The following PTPRD variants were observed in gnomAD, a reference collection of about 807,000 sequenced individuals.
PTPRD encodes receptor-type tyrosine-protein phosphatase delta.
PTPRD carries 34 observed loss-of-function variants against 214.5 expected under a neutral mutation model. The observed-to-expected ratio is 0.16, with a 90% CI of 0.12 to 0.21. The LOEUF (loss-of-function observed/expected upper bound fraction) is 0.21. Ranked by LOEUF, PTPRD falls within the 10% of genes least tolerant of loss-of-function variation. The pLI is 1.00. For missense variants in PTPRD, 2,545 were observed against 2,398.7 expected (o/e 1.06, Z -1.27); for synonymous variants, 1,128 against 845.7 (o/e 1.33, Z -5.79).
chr9:10,083,947 G>T (rs2098285045), intron 3 of PTPRD, among the ~76,000 whole-genome samples: 1 of 151,976 alleles, frequency 6.6e-6, no homozygotes, highest in Admixed American at 6.6e-5. Context: ...CAGCACTGGA[G>T]TTGGGGACAC....
intron 3 of PTPRD, among the ~76,000 whole-genome samples, chr9:10,262,658 C>T (rs989574135): frequency 6.6e-6 from 1 of 152,162 alleles, no homozygotes; most frequent in Non-Finnish European, 1.5e-5. Context: ...TGCTGACCAG[C>T]TATATGAGCA....
chr9:9,132,316 T>G (rs1276055532), intron 10 of PTPRD, among the ~76,000 whole-genome samples: 1 of 152,164 alleles, frequency 6.6e-6, no homozygotes, highest in Non-Finnish European at 1.5e-5. Context: ...GCCTGGCCAC[T>G]AGTTTTGAAG....
intron 14 of PTPRD, among the ~76,000 whole-genome samples, chr9:8,592,445 C>A (rs989257362): frequency 6.6e-6 from 1 of 152,170 alleles, no homozygotes; most frequent in African/African-American, 2.4e-5. Flanking sequence ...TTGCCACTGA[C>A]ATACAAGGAC....
chr9:8,471,539 C>T (rs1184723273), intron 30 of PTPRD, among the ~76,000 whole-genome samples: 1 of 152,080 alleles, frequency 6.6e-6, no homozygotes, highest in Non-Finnish European at 1.5e-5. Flanking sequence ...GTTGTTTATA[C>T]AAACCTAAAA....
intron 4 of PTPRD, among the ~76,000 whole-genome samples, chr9:9,979,428 T>A (rs1402153004): frequency 6.6e-6 from 1 of 152,064 alleles, no homozygotes; most frequent in Non-Finnish European, 1.5e-5. Flanking sequence ...TAGTGGTAGT[T>A]ATCTGTAAGG....
At chr9:8,675,842 C>T (rs1021299678) in intron 12 of PTPRD, among the ~76,000 whole-genome samples, 3 of 152,124 alleles carry the variant, frequency 2.0e-5, no homozygotes, top group Admixed American at 1.3e-4. Flanking sequence ...CAGTAGCATC[C>T]CTACTCTGAT....
intron 19 of PTPRD, among the ~76,000 whole-genome samples, chr9:8,522,552 G>C (rs886432569): frequency 6.6e-6 from 1 of 152,136 alleles, no homozygotes; most frequent in Non-Finnish European, 1.5e-5. Flanking sequence ...TTCAAATTGA[G>C]GGACACTGGA....
chr9:8,848,358 CAG>C (rs945106208), intron 11 of PTPRD, among the ~76,000 whole-genome samples: 10 of 132,708 alleles, frequency 7.5e-5, no homozygotes, highest in African/African-American at 2.8e-4. Context: ...CTTTTTGAGA[CAG>C]AGTCTTGCTC....
intron 2 of PTPRD, among the ~76,000 whole-genome samples, chr9:10,597,434 T>G (rs1322711333): frequency 1.3e-5 from 2 of 151,904 alleles, no homozygotes; most frequent in African/African-American, 4.8e-5. Flanking sequence ...AATGTAATGA[T>G]TCACCATTTG....
chr9:9,596,127 G>T (rs898467844), intron 7 of PTPRD, among the ~76,000 whole-genome samples: 2 of 151,666 alleles, frequency 1.3e-5, no homozygotes, highest in Admixed American at 6.6e-5. Flanking sequence ...GAATACCCAT[G>T]GATACACTAT....
chr9:8,585,417 G>T (rs1286568280), intron 14 of PTPRD, among the ~76,000 whole-genome samples: 2 of 152,172 alleles, frequency 1.3e-5, no homozygotes, highest in African/African-American at 4.8e-5. Flanking sequence ...TCACTACTTT[G>T]TTTTTAAGCC....
intron 12 of PTPRD, among the ~76,000 whole-genome samples, chr9:8,648,623 C>T (rs543699777): frequency 7.2e-5 from 11 of 152,268 alleles, no homozygotes; most frequent in South Asian, 6.2e-4. Flanking sequence ...ACTGTGCATC[C>T]GTTTTGTTCA....
intron 4 of PTPRD, among the ~76,000 whole-genome samples, chr9:9,974,796 TTTG>T (rs374041473): frequency 1.6e-4 from 25 of 152,286 alleles, no homozygotes; most frequent in African/African-American, 5.5e-4. Context: ...ATAGGAAATA[TTTG>T]TTGACACAGT....
chr9:9,188,606 A>C (rs2099933145), intron 9 of PTPRD, among the ~76,000 whole-genome samples: 1 of 152,014 alleles, frequency 6.6e-6, no homozygotes, highest in Non-Finnish European at 1.5e-5. Flanking sequence ...AAAAGGGAAG[A>C]CCCCTGACCT....
At chr9:8,679,391 G>A (rs1346591354) in intron 12 of PTPRD, among the ~76,000 whole-genome samples, 1 of 152,160 alleles carries the variant, frequency 6.6e-6, no homozygotes, top group Non-Finnish European at 1.5e-5. Flanking sequence ...AAAAATGTGT[G>A]ATCCTTGATG....
chr9:8,788,285 G>GTA (rs2096076684), intron 11 of PTPRD, among the ~76,000 whole-genome samples: 1 of 119,076 alleles, frequency 8.4e-6, no homozygotes, highest in South Asian at 2.6e-4. Context: ...TTTTGTGTGT[G>GTA]TGTGTGTGAG....
At chr9:9,344,756 T>C (rs915267561) in intron 9 of PTPRD, among the ~76,000 whole-genome samples, 1 of 152,030 alleles carries the variant, frequency 6.6e-6, no homozygotes, top group Non-Finnish European at 1.5e-5. Context: ...ATATTTAATA[T>C]TTTTTATTTT....
chr9:9,799,123 T>G (rs1019728866), intron 5 of PTPRD, among the ~76,000 whole-genome samples: 2 of 152,170 alleles, frequency 1.3e-5, no homozygotes, highest in Non-Finnish European at 2.9e-5. Context: ...GAAGGTTCCC[T>G]CCAATTTATA....
intron 3 of PTPRD, among the ~76,000 whole-genome samples, chr9:10,273,618 C>A (rs2154384468): frequency 6.6e-6 from 1 of 152,150 alleles, no homozygotes; most frequent in South Asian, 2.1e-4. Flanking sequence ...AGGACATATG[C>A]AATCCACAGT....
Sources: allele counts gnomAD v4.1 joint callset (sites outside exome capture counted in the v4.1 genomes callset), GRCh38; gene constraint gnomAD v4.1.1; transcripts MANE v1.5; gene names NCBI Gene and HGNC (gene_info 2026-07-23, HGNC 2026-07-21).